Variants in DMD observed in about 807,000 individuals in gnomAD.
DMD encodes the protein mutant dystrophin.
DMD carries 63 observed loss-of-function variants against 330.1 expected under a neutral mutation model. The observed-to-expected ratio is 0.19, with a 90% CI of 0.16 to 0.24. The LOEUF (loss-of-function observed/expected upper bound fraction) is 0.24, where lower values mean the gene tolerates loss of function less well. DMD is among the 10% of genes least tolerant of loss of function. The pLI, the probability that DMD is intolerant of heterozygous loss-of-function variation, is 1.00. For missense variants in DMD, 3,344 were observed against 2,684.1 expected (o/e 1.25, Z -5.43); for synonymous variants, 1,223 against 959.8 (o/e 1.27, Z -5.07).
At chrX:32,723,944 T>A (rs770900192) in intron 7 of DMD, among the ~76,000 whole-genome samples, 1 of 111,297 alleles carries the variant, frequency 9.0e-6, no homozygotes, top group Non-Finnish European at 1.9e-5. Flanking sequence ...TTAGGCTGCA[T>A]TCAAAGCTGT....
intron 56 of DMD, among the ~76,000 whole-genome samples, chrX:31,504,238 T>A (rs1170140929): frequency 1.8e-5 from 2 of 111,013 alleles, no homozygotes; most frequent in Non-Finnish European, 3.8e-5. Context: ...AGAGAAAAGA[T>A]GTATGGCAGA....
rs771193871 is a variant in DMD at position 31,432,447 on chromosome X, AGAT to A, written c.9084+12031_9084+12033del. 7.1e-5 allele frequency among the ~76,000 whole-genome samples: 8 copies of A among 112,706 alleles called. No homozygotes were observed. The South Asian group carries it at 2.9e-3, about 41-fold the overall frequency. Reference sequence around the variant, plus strand: ...GAGAAAGTTTAGAAAGGTTTCATAGAGATGAACTGCAGTTCTAATAATAAAACT... The same window carrying A: ...GAGAAAGTTTAGAAAGGTTTCATAGAGAACTGCAGTTCTAATAATAAAACT... On this transcript the variant is annotated intron_variant, in intron 60 of 78. Coordinates refer to ENST00000357033, the MANE Select transcript of DMD (RefSeq NM_004006.3).
intron 44 of DMD, among the ~76,000 whole-genome samples, chrX:32,077,536 A>G (rs2096362095): frequency 1.8e-5 from 2 of 111,735 alleles, no homozygotes; most frequent in South Asian, 7.5e-4. Context: ...CTTCCTTGCT[A>G]ACACTTAAAT....
chrX:31,454,814 G>A lies in DMD; in HGVS notation c.8938-10187C>T, dbSNP rs1402470313. On this transcript the variant is annotated intron_variant, in intron 59 of 78. Coordinates refer to ENST00000357033, the MANE Select transcript of DMD (RefSeq NM_004006.3). Reference sequence around the variant, plus strand: ...GTCGCCCAGGCTGGAGTGCAGCAGTGCGATCATAGCTCACTGCAGCCTCAA... The same window carrying A: ...GTCGCCCAGGCTGGAGTGCAGCAGTACGATCATAGCTCACTGCAGCCTCAA... Among the ~76,000 whole-genome samples the A allele has an allele frequency of 2.7e-5, 3 of 110,780 alleles. No homozygotes were observed. The East Asian group carries it at 8.4e-4, about 31-fold the overall frequency.
intron 18 of DMD, 60 bp downstream of exon 18, chrX:32,517,948 G>A: frequency 8.8e-7 from 1 of 1,141,873 alleles, no homozygotes; most frequent in South Asian, 1.8e-5. Flanking sequence ...AGATAACAAA[G>A]CACGGAGTTT....
chrX:32,729,136 T>G (rs892290858), intron 7 of DMD, among the ~76,000 whole-genome samples: 15 of 112,232 alleles, frequency 1.3e-4, no homozygotes, highest in Non-Finnish European at 1.5e-4. Flanking sequence ...ACAAAATCTG[T>G]AATTTTTTGA....
intron 4 of DMD, among the ~76,000 whole-genome samples, chrX:32,827,072 C>CACACAA (rs2078772609): frequency 1.1e-5 from 1 of 91,748 alleles, no homozygotes; most frequent in Admixed American, 1.2e-4. Context: ...CCCCCACACA[C>CACACAA]ACACACACAC....
In DMD at chrX:31,250,821, C is replaced by T. The variant is rs767197155; in HGVS notation, c.9286+10134G>A. Among the ~76,000 whole-genome samples, 119 of 111,233 alleles carry T rather than the reference C, an allele frequency of 1.1e-3. 2 individuals are homozygous for T. Among genetic ancestry groups the T allele is most frequent in the Non-Finnish European group, 2.3e-4 (12 of 53,026 alleles). On this transcript the variant is annotated intron_variant, in intron 63 of 78. Coordinates refer to ENST00000357033, the MANE Select transcript of DMD (RefSeq NM_004006.3). ...CACCGCGGCTGGGTGCAGTGGTTCA[C>T]GCCTGTAATCCCAGCAGTTTGGGAG...
chrX:31,809,214 T>C (rs1289955230), intron 50 of DMD, among the ~76,000 whole-genome samples: 2 of 106,515 alleles, frequency 1.9e-5, no homozygotes, highest in African/African-American at 3.4e-5. Context: ...AGTTTATATA[T>C]ATAGTTTCCT....
chrX:31,875,716 C>T (rs1050510161), intron 47 of DMD, among the ~76,000 whole-genome samples: 1 of 112,144 alleles, frequency 8.9e-6, no homozygotes, highest in Non-Finnish European at 1.9e-5. Context: ...ACTAAATATA[C>T]TGGTGTGTTG....
intron 63 of DMD, among the ~76,000 whole-genome samples, chrX:31,246,028 CCAAA>C (rs2048802817): frequency 1.8e-5 from 2 of 111,964 alleles, no homozygotes; most frequent in African/African-American, 6.5e-5. Flanking sequence ...GCCTCTCATG[CCAAA>C]CAGTCAAGTT....
intron 4 of DMD, among the ~76,000 whole-genome samples, chrX:32,831,649 C>CGTGTGTGTGTGT (rs6151283): frequency 1.8e-4 from 16 of 89,751 alleles, no homozygotes; most frequent in African/African-American, 5.9e-4. Context: ...AAGATATTTA[C>CGTGTGTGTGTGT]GTGTGTGTGT....
intron 42 of DMD, among the ~76,000 whole-genome samples, chrX:32,299,975 G>A (rs1462915487): frequency 9.0e-6 from 1 of 110,893 alleles, no homozygotes; most frequent in Non-Finnish European, 1.9e-5. Flanking sequence ...TTTTTGCTTG[G>A]ATGATGTCCT....
intron 1 of DMD, among the ~76,000 whole-genome samples, chrX:33,155,428 G>A (rs1424623065): frequency 9.2e-6 from 1 of 108,958 alleles, no homozygotes; most frequent in African/African-American, 3.4e-5. Context: ...CGATTCTCCT[G>A]CCTTGGCCTC....
At chrX:31,861,736 TACACAC>T (rs753295784) in intron 48 of DMD, among the ~76,000 whole-genome samples, 33 of 76,868 alleles carry the variant, frequency 4.3e-4, no homozygotes, top group East Asian at 1.7e-3. Context: ...AAGAGTGCTA[TACACAC>T]ACACACACAC....
At chrX:31,782,794 G>A (rs2091086881) in intron 50 of DMD, among the ~76,000 whole-genome samples, 1 of 111,456 alleles carries the variant, frequency 9.0e-6, no homozygotes, top group Non-Finnish European at 1.9e-5. Context: ...AAAAGACGGA[G>A]TCTTTAAGTT....
chrX:32,723,361 G>A (rs942370535), intron 7 of DMD, among the ~76,000 whole-genome samples: 7 of 111,071 alleles, frequency 6.3e-5, no homozygotes, highest in Non-Finnish European at 1.3e-4. Flanking sequence ...ATTCCTCCTA[G>A]ATATTGGCAT....
chrX:31,458,475 G>C (rs1161184449), intron 59 of DMD, among the ~76,000 whole-genome samples: 2 of 96,939 alleles, frequency 2.1e-5, no homozygotes, highest in Admixed American at 1.2e-4. Context: ...ATGAGTCTAA[G>C]TGTCAAGCTG....
At chrX:32,825,158 A>G (rs2078597732) in intron 4 of DMD, among the ~76,000 whole-genome samples, 1 of 111,948 alleles carries the variant, frequency 8.9e-6, no homozygotes, top group Non-Finnish European at 1.9e-5. Context: ...GCAGTTAAGC[A>G]GAGAATATGC....
Sources: gnomAD v4.1 joint callset for allele counts (sites outside exome capture counted in the v4.1 genomes callset) on GRCh38, gnomAD v4.1.1 for gene constraint, MANE v1.5 for transcripts, NCBI Gene and HGNC (gene_info 2026-07-23, HGNC 2026-07-21) for gene names.